CACNA1C: variants seen among roughly 807,000 people sequenced by gnomAD.
The protein encoded by CACNA1C is voltage-dependent L-type calcium channel subunit alpha-1C.
A neutral mutation model predicts 229.0 loss-of-function variants in CACNA1C; 30 were observed. The observed-to-expected ratio is 0.13, with a 90% CI of 0.10 to 0.18. The LOEUF (loss-of-function observed/expected upper bound fraction) is 0.18. Among genes scored for constraint, CACNA1C ranks in the 10% least tolerant of loss-of-function variants. The pLI, the probability that CACNA1C is intolerant of heterozygous loss-of-function variation, is 1.00. For synonymous variants in CACNA1C, 1,114 were observed against 1,132.5 expected, an observed-to-expected ratio of 0.98 and a Z score of 0.33; for missense variants, 1,658 against 2,845.0, an observed-to-expected ratio of 0.58 and a Z score of 9.49.
At chr12:2,471,790 C>T (rs186269282) in intron 5 of CACNA1C, among the ~76,000 whole-genome samples, 1 of 152,224 alleles carries the variant, frequency 6.6e-6, no homozygotes, top group Non-Finnish European at 1.5e-5. Flanking sequence ...TCAAGCAATT[C>T]TCTGCCTCAG....
intron 3 of CACNA1C, among the ~76,000 whole-genome samples, chr12:2,165,558 T>A (rs1344389139): frequency 6.6e-6 from 1 of 152,222 alleles, no homozygotes; most frequent in Non-Finnish European, 1.5e-5. Context: ...CTTGGATACC[T>A]CAATCTTACC....
chr12:2,149,835 G>C (rs567532072), intron 3 of CACNA1C, among the ~76,000 whole-genome samples: 43 of 152,266 alleles, frequency 2.8e-4, no homozygotes, highest in African/African-American at 9.6e-4. Context: ...GCCTGACCTG[G>C]GGCCCAGGCT....
Position 2,633,536 on chromosome 12 carries a change from G to A in CACNA1C, c.3829-761G>A. ...GGAACTCCAGAGGCAACACGGAGGT[G>A]CCTGGACGATGATTCTGATGGTGGT... On this transcript the variant is annotated intron_variant, in intron 29 of 46. Transcript: ENST00000399655. This position sits in a 1 kb window ranked among gnomAD's most constrained non-coding sequence, Gnocchi z 5.8. 2 of 802,814 alleles carry A rather than the reference G, an allele frequency of 2.5e-6. No individual in the cohort carries two copies. Among genetic ancestry groups the A allele is most frequent in the Non-Finnish European group, 4.4e-6 (2 of 454,364 alleles). The allele number at this position is 802,814 out of a possible 1,614,324, so 49.7% of individuals were successfully genotyped here.
At chr12:2,242,704 A>G (rs533949700) in intron 3 of CACNA1C, among the ~76,000 whole-genome samples, 2 of 152,368 alleles carry the variant, frequency 1.3e-5, no homozygotes, top group East Asian at 3.9e-4. Flanking sequence ...CCTCTGGCCA[A>G]AGAACCTAAA....
chr12:2,255,705 C>G lies in CACNA1C; in HGVS notation c.477+135275C>G, dbSNP rs572478245. On this transcript the variant is annotated intron_variant, in intron 3 of 46. Transcript: ENST00000399655. ...TGTTTAGGATAAGTCAGATGAGATT[C>G]CTCCTCATTGGACAGATAATAAGCT... is the stretch of plus-strand genomic sequence containing the variant. 3.5e-4 allele frequency among the ~76,000 whole-genome samples: 54 copies of G among 152,372 alleles called. 1 individual carries two copies. The Middle Eastern group carries it at 0.014, about 38-fold the overall frequency.
chr12:2,659,440 T>C (rs752124685), intron 34 of CACNA1C, among the ~76,000 whole-genome samples: 1 of 152,206 alleles, frequency 6.6e-6, no homozygotes, highest in African/African-American at 2.4e-5. Flanking sequence ...GCATCTAGGT[T>C]TGTGTGAGTC....
chr12:2,198,382 G>C (rs2097481812), intron 3 of CACNA1C, among the ~76,000 whole-genome samples: 1 of 152,160 alleles, frequency 6.6e-6, no homozygotes, highest in African/African-American at 2.4e-5. Flanking sequence ...TGGAACCGGA[G>C]GCCTCCCCTC....
intron 1 of CACNA1C, among the ~76,000 whole-genome samples, chr12:2,033,644 CAACAACAACAACAA>C (rs922812881): frequency 1.3e-5 from 2 of 152,074 alleles, no homozygotes; most frequent in Admixed American, 1.3e-4. Flanking sequence ...AACAACAACA[CAACAACAACAACAA>C]AACAACAACA....
chr12:2,411,428 C>T (rs748579380), intron 3 of CACNA1C, among the ~76,000 whole-genome samples: 15 of 152,056 alleles, frequency 9.9e-5, no homozygotes, highest in Non-Finnish European at 1.6e-4. Context: ...TTCTATTTTT[C>T]GCTGAGTGAA....
rs11062096 is a variant in CACNA1C, at chr12:2,063,059, A to G, written c.49+9448A>G. Among the ~76,000 whole-genome samples, 333 of 151,984 alleles carry G rather than the reference A, an allele frequency of 2.2e-3. 2 individuals are homozygous for G. Among genetic ancestry groups the G allele is most frequent in the Non-Finnish European group, 3.9e-3 (265 of 67,984 alleles). On this transcript the variant is annotated intron_variant, in intron 1 of 46. Transcript: ENST00000399655. Reference sequence around the variant, plus strand: ...AAATACCCTTTACCCATTGGTAGTCACTTTTCATTCCCCTCTCTCTCCAGC... The same window carrying G: ...AAATACCCTTTACCCATTGGTAGTCGCTTTTCATTCCCCTCTCTCTCCAGC...
At chr12:2,169,108 A>G (rs910636548) in intron 3 of CACNA1C, among the ~76,000 whole-genome samples, 2 of 152,152 alleles carry the variant, frequency 1.3e-5, no homozygotes, top group African/African-American at 4.8e-5. Flanking sequence ...CAGGTCCTTT[A>G]GTGCTTGAAA....
intron 7 of CACNA1C, among the ~76,000 whole-genome samples, chr12:2,496,229 C>T (rs2099746551): frequency 6.6e-6 from 1 of 152,182 alleles, no homozygotes; most frequent in Non-Finnish European, 1.5e-5. Context: ...TGTTGAACCT[C>T]ATGGTGCTGG....
At chr12:2,063,274 C>A (rs947978405) in intron 1 of CACNA1C, among the ~76,000 whole-genome samples, 1 of 151,978 alleles carries the variant, frequency 6.6e-6, no homozygotes, top group Non-Finnish European at 1.5e-5. Flanking sequence ...GCCTCAGTCT[C>A]CTGAGTAGCT....
chr12:2,253,764 C>T (rs1384449793), intron 3 of CACNA1C, among the ~76,000 whole-genome samples: 1 of 152,234 alleles, frequency 6.6e-6, no homozygotes, highest in Non-Finnish European at 1.5e-5. Context: ...GTAGCGCTTA[C>T]CACTATTCAT....
At chr12:2,221,268 C>T (rs140975792) in intron 3 of CACNA1C, among the ~76,000 whole-genome samples, 57 of 152,138 alleles carry the variant, frequency 3.7e-4, no homozygotes, top group Non-Finnish European at 6.0e-4. Context: ...GGGAGGGTGA[C>T]GTGTCTTTTT....
chr12:2,128,910 A>G (rs1470269568), intron 3 of CACNA1C, among the ~76,000 whole-genome samples: 1 of 152,228 alleles, frequency 6.6e-6, no homozygotes, highest in Non-Finnish European at 1.5e-5. Context: ...TAAATAATTC[A>G]CCCTGTGAGA....
At chr12:2,531,090 T>G (rs1396359470) in intron 9 of CACNA1C, among the ~76,000 whole-genome samples, 1 of 152,250 alleles carries the variant, frequency 6.6e-6, no homozygotes, top group Non-Finnish European at 1.5e-5. Flanking sequence ...CGACAGCTAC[T>G]GCTCATCAAG....
chr12:2,111,222 G>A (rs1186487623), intron 1 of CACNA1C, among the ~76,000 whole-genome samples: 1 of 152,246 alleles, frequency 6.6e-6, no homozygotes, highest in African/African-American at 2.4e-5. Context: ...CTTGCGCTCT[G>A]GGAATGGTTT....
chr12:2,457,776 C>T, intron 5 of CACNA1C, 70 bp downstream of exon 5: 6 of 1,320,330 alleles, frequency 4.5e-6, no homozygotes, highest in Non-Finnish European at 6.0e-6. Flanking sequence ...GCTGAATTGC[C>T]AAGAACACTC....
Sources: allele counts gnomAD v4.1 joint callset (sites outside exome capture counted in the v4.1 genomes callset), GRCh38; gene constraint gnomAD v4.1.1; non-coding constraint Gnocchi (gnomAD v3.1); transcripts MANE v1.5; gene names NCBI Gene and HGNC (gene_info 2026-07-23, HGNC 2026-07-21).